FAP: variants seen among roughly 807,000 people sequenced by gnomAD.
FAP encodes the protein prolyl endopeptidase FAP.
In FAP, 110 loss-of-function variants were observed where a neutral mutation model predicts 126.5. The ratio of observed to expected loss-of-function variants is 0.87; its 90% confidence interval spans 0.74 to 1.02. The LOEUF (loss-of-function observed/expected upper bound fraction) is 1.02, where lower values mean the gene tolerates loss of function less well. Among genes scored for constraint, FAP ranks in the 50% least tolerant of loss-of-function variants. FAP has a pLI of 0.00. For missense variants in FAP, 919 were observed against 909.2 expected (o/e 1.01, Z -0.14); for synonymous variants, 334 against 297.3 (o/e 1.12, Z -1.27).
intron 8 of FAP, 86 bp downstream of exon 8, chr2:162,218,977 C>A: frequency 9.4e-7 from 1 of 1,066,032 alleles, no homozygotes; most frequent in East Asian, 2.8e-5. Flanking sequence ...AAATAAGATA[C>A]TACTCATCTA....
At chr2:162,229,411 G>T (rs1045017734) in intron 2 of FAP, among the ~76,000 whole-genome samples, 2 of 152,148 alleles carry the variant, frequency 1.3e-5, no homozygotes, top group African/African-American at 4.8e-5. Flanking sequence ...ACCACAGTTT[G>T]AGAAACACAG....
chr2:162,223,437 G>GT (rs1487406399), intron 6 of FAP, among the ~76,000 whole-genome samples, 171 bp downstream of exon 6: 2 of 152,016 alleles, frequency 1.3e-5, no homozygotes, highest in Non-Finnish European at 2.9e-5. Flanking sequence ...TCCCATATAA[G>GT]TATTTTCTTG....
At chr2:162,225,950 A>G (rs1267794130) in intron 3 of FAP, among the ~76,000 whole-genome samples, 1 of 152,196 alleles carries the variant, frequency 6.6e-6, no homozygotes, top group Non-Finnish European at 1.5e-5. Context: ...CTCACTTTGT[A>G]TTAATTTTAT....
Position 162,225,498 on chromosome 2 carries a change from C to A in FAP, c.270G>T (p.Leu90Phe). 6.3e-7 allele frequency: 1 copy of A among 1,599,470 alleles called. No homozygotes were observed. Among genetic ancestry groups the A allele is most frequent in the South Asian group, 1.1e-5 (1 of 89,640 alleles). The change falls in exon 4 of 26, where the codon TTG (leucine) becomes TTT (phenylalanine). Residue 90 changes from leucine to phenylalanine, a missense_variant. Coordinates refer to ENST00000188790, the MANE Select transcript of FAP (RefSeq NM_004460.5). ...GGATACATACCATGGTTCTATTACT[C>A]AAAATGGTATATGATTGTCCTGTTT... is the stretch of plus-strand genomic sequence containing the variant. The part of the protein sequence containing the change: ...NIETGQSYTI[L>F]SNRTMKSVNA...
chr2:162,218,211 A>ATAG (rs1689232655), intron 8 of FAP, 71 bp from the exon 9 acceptor site: 1 of 994,828 alleles, frequency 1.0e-6, no homozygotes, highest in African/African-American at 1.7e-5. Flanking sequence ...ATACTTCTAA[A>ATAG]TAGCTATTTA....
intron 21 of FAP, chr2:162,175,964 T>A (rs994250520): frequency 1.3e-5 from 2 of 152,118 alleles, no homozygotes; most frequent in African/African-American, 4.8e-5. Flanking sequence ...CTCTCTGTGT[T>A]TATTCTTGCC....
Position 162,225,358 on chromosome 2 carries a change from AG to A in FAP, c.285+124del, listed in dbSNP as rs1301024600. ...CTAGCAGACAGAACGGGAAGACTCT[AG>A]TGGAGTATGGAGCTGGGAAGGCAAG... is the stretch of plus-strand genomic sequence containing the variant. On this transcript the variant is annotated intron_variant, in intron 4 of 25. Coordinates refer to ENST00000188790, the MANE Select transcript of FAP (RefSeq NM_004460.5). The A allele has an allele frequency of 2.5e-6, 3 of 1,201,420 alleles. No homozygotes were observed. In the East Asian group the frequency reaches 8.1e-5, roughly 33 times the overall value. 74.4% of individuals were successfully genotyped at this position (1,201,420 alleles called of 1,614,324 possible).
chr2:162,184,098 C>T (rs1462854307), intron 20 of FAP, among the ~76,000 whole-genome samples: 3 of 151,994 alleles, frequency 2.0e-5, no homozygotes, highest in Non-Finnish European at 2.9e-5. Context: ...TGAAGGACAA[C>T]GTTTAAAAAG....
intron 2 of FAP, among the ~76,000 whole-genome samples, chr2:162,239,620 T>C (rs1690269646): frequency 6.6e-6 from 1 of 152,220 alleles, no homozygotes; most frequent in Non-Finnish European, 1.5e-5. Flanking sequence ...ATAGTTGCTA[T>C]TGTTGAGTGT....
At chr2:162,239,722 A>G (rs1395280921) in intron 2 of FAP, among the ~76,000 whole-genome samples, 1 of 152,242 alleles carries the variant, frequency 6.6e-6, no homozygotes, top group Non-Finnish European at 1.5e-5. Flanking sequence ...TTAGAAAAAA[A>G]ATAACTAACA....
chr2:162,173,879 A>G (rs1449576077), intron 22 of FAP, 92 bp from the exon 23 acceptor site: 6 of 887,492 alleles, frequency 6.8e-6, no homozygotes, highest in Non-Finnish European at 1.1e-5. Context: ...CTGTTTCTCA[A>G]TTTTCCCATC....
intron 2 of FAP, among the ~76,000 whole-genome samples, chr2:162,234,829 G>A (rs1426921338): frequency 5.9e-5 from 9 of 152,226 alleles, no homozygotes; most frequent in East Asian, 3.9e-4. Flanking sequence ...GGCTGGAGCC[G>A]GCTCCCTTGG....
intron 2 of FAP, among the ~76,000 whole-genome samples, chr2:162,239,455 T>C (rs1417331930): frequency 1.3e-5 from 2 of 152,084 alleles, no homozygotes; most frequent in Admixed American, 1.3e-4. Context: ...GTGTTCTGTA[T>C]GAGTGCTTCA....
At chr2:162,192,695 G>A (rs1022921884) in intron 17 of FAP, among the ~76,000 whole-genome samples, 6 of 152,006 alleles carry the variant, frequency 3.9e-5, no homozygotes, top group Non-Finnish European at 8.8e-5. Flanking sequence ...CTCCACTTAG[G>A]TATCTCATCA....
At chr2:162,184,903 G>A (rs1398810988) in intron 20 of FAP, among the ~76,000 whole-genome samples, 1 of 152,032 alleles carries the variant, frequency 6.6e-6, no homozygotes, top group Admixed American at 6.6e-5. Context: ...AATAACAGGT[G>A]ATACATGGGA....
At chr2:162,196,989 C>T (rs1289119412) in intron 16 of FAP, among the ~76,000 whole-genome samples, 1 of 152,182 alleles carries the variant, frequency 6.6e-6, no homozygotes, top group Non-Finnish European at 1.5e-5. Flanking sequence ...TTCATCTCTT[C>T]AGTGGGCACA....
At chr2:162,186,420 T>C (rs1309896412) in intron 20 of FAP, among the ~76,000 whole-genome samples, 3 of 152,096 alleles carry the variant, frequency 2.0e-5, no homozygotes, top group Non-Finnish European at 4.4e-5. Flanking sequence ...TGGCTTTGTG[T>C]CCTGTATGTT....
Position 162,218,031 on chromosome 2 carries a change from AT to A in FAP, c.716del (p.Tyr239LeufsTer10). 1 of 1,605,494 alleles carries A rather than the reference AT, an allele frequency of 6.2e-7. No homozygotes were observed. The highest frequency in any genetic ancestry group is 8.5e-7 in the Non-Finnish European group (1 of 1,175,690). On this transcript the variant is annotated frameshift_variant, in exon 9 of 26. Transcript: ENST00000188790. LOFTEE classifies it high-confidence loss of function. ...TTGTTCTAGGATATTGTTCATCGCC[AT>A]AATAGGAATAGGCAATAACTGGTAT... ...TDIPVIAYSY[Y>X]GDEQYPRTIN...
chr2:162,223,750 T>A, intron 5 of FAP, 90 bp from the exon 6 acceptor site: 1 of 800,092 alleles, frequency 1.2e-6, no homozygotes, highest in Non-Finnish European at 2.2e-6. Context: ...CAATTCAAAG[T>A]TCAGAATTAT....
Sources: allele counts gnomAD v4.1 joint callset (sites outside exome capture counted in the v4.1 genomes callset), GRCh38; gene constraint gnomAD v4.1.1; transcripts MANE v1.5; gene names NCBI Gene and HGNC (gene_info 2026-07-23, HGNC 2026-07-21).